The following CNBD1 variants were observed in gnomAD, a reference collection of about 807,000 sequenced individuals.
The protein encoded by CNBD1 is cyclic nucleotide binding domain containing 1.
CNBD1 carries 71 observed loss-of-function variants against 54.4 expected under a neutral mutation model. The ratio of observed to expected loss-of-function variants is 1.30; its 90% confidence interval spans 1.08 to 1.59. CNBD1 has a LOEUF of 1.59. Among genes scored for constraint, CNBD1 ranks in the 40% most tolerant of loss-of-function variants. The pLI is 0.00. For missense variants in CNBD1, 659 were observed against 518.0 expected (o/e 1.27, Z -2.64); for synonymous variants, 182 against 170.7 (o/e 1.07, Z -0.51).
At chr8:87,043,819 C>T (rs1031151212) in intron 4 of CNBD1, among the ~76,000 whole-genome samples, 2 of 152,204 alleles carry the variant, frequency 1.3e-5, no homozygotes, top group African/African-American at 2.4e-5. Context: ...ATTTCTTTAG[C>T]GTAGCAACAG....
intron 8 of CNBD1, among the ~76,000 whole-genome samples, chr8:87,346,781 T>C (rs1300024889): frequency 6.6e-6 from 1 of 152,148 alleles, no homozygotes; most frequent in Non-Finnish European, 1.5e-5. Flanking sequence ...GGTTAATTCA[T>C]TCAGAAATAA....
intron 4 of CNBD1, among the ~76,000 whole-genome samples, chr8:87,061,991 C>T (rs1002354057): frequency 6.6e-6 from 1 of 152,138 alleles, no homozygotes; most frequent in African/African-American, 2.4e-5. Flanking sequence ...TTGCTGAGTG[C>T]AGATAGTTGT....
intron 4 of CNBD1, among the ~76,000 whole-genome samples, chr8:87,103,337 A>C (rs902370912): frequency 6.6e-6 from 1 of 152,200 alleles, no homozygotes; most frequent in African/African-American, 2.4e-5. Flanking sequence ...TTACATCTTA[A>C]TATATTTCAT....
intron 4 of CNBD1, among the ~76,000 whole-genome samples, chr8:87,137,744 G>T (rs1812287421): frequency 6.6e-6 from 1 of 152,034 alleles, no homozygotes; most frequent in Admixed American, 6.6e-5. Context: ...TAGTGAATTG[G>T]AATGGGAAAG....
chr8:87,302,244 A>G (rs1295579594), intron 8 of CNBD1, among the ~76,000 whole-genome samples: 1 of 152,188 alleles, frequency 6.6e-6, no homozygotes, highest in African/African-American at 2.4e-5. Flanking sequence ...CCTCAATAAA[A>G]TACTGGCAAA....
At chr8:87,092,456 T>TGTGTGTGTGTGTATATATATATACAC (rs1563465551) in intron 4 of CNBD1, among the ~76,000 whole-genome samples, 2 of 138,792 alleles carry the variant, frequency 1.4e-5, no homozygotes, top group Admixed American at 6.9e-5. Context: ...TATATACACA[T>TGTGTGTGTGTGTATATATATATACAC]ATGTGTGTGT....
chr8:87,311,878 A>C (rs1307408308), intron 8 of CNBD1, among the ~76,000 whole-genome samples: 5 of 152,106 alleles, frequency 3.3e-5, no homozygotes, highest in African/African-American at 4.8e-5. Flanking sequence ...CTCACTTGTA[A>C]GTGGAAGCTA....
chr8:87,390,182 G>A (rs1460516124), intron 2 of CNBD1, among the ~76,000 whole-genome samples: 1 of 152,048 alleles, frequency 6.6e-6, no homozygotes, highest in African/African-American at 2.4e-5. Flanking sequence ...CAGGACATAG[G>A]CATGGGCAAG....
At chr8:87,014,141 G>GAA (rs200816620) in intron 4 of CNBD1, among the ~76,000 whole-genome samples, 46 of 148,566 alleles carry the variant, frequency 3.1e-4, no homozygotes, top group African/African-American at 1.1e-3. Context: ...ATCAAATACA[G>GAA]AAAACAAAAA....
intron 3 of CNBD1, among the ~76,000 whole-genome samples, chr8:86,932,767 G>A (rs1809478278): frequency 1.3e-5 from 2 of 151,902 alleles, no homozygotes; most frequent in Non-Finnish European, 2.9e-5. Context: ...CATTTCAAGG[G>A]TGAGCTTCTT....
intron 8 of CNBD1, among the ~76,000 whole-genome samples, chr8:87,314,066 C>T (rs1006166728): frequency 1.6e-4 from 25 of 151,836 alleles, no homozygotes; most frequent in African/African-American, 5.8e-4. Flanking sequence ...GCATAAGTTA[C>T]TTGATTTGAT....
At chr8:87,353,955 T>G (rs914973684) in intron 10 of CNBD1, 169 bp downstream of exon 10, 1 of 499,772 alleles carries the variant, frequency 2.0e-6, no homozygotes, top group African/African-American at 2.0e-5. Context: ...TCTTGGTGAA[T>G]TTTGAAAAGG....
At chr8:87,142,853 C>T (rs574483058) in intron 4 of CNBD1, among the ~76,000 whole-genome samples, 3 of 151,486 alleles carry the variant, frequency 2.0e-5, no homozygotes, top group Non-Finnish European at 4.4e-5. Context: ...TTTTGTTGTG[C>T]TCGTTGTTCG....
rs116296388 is a variant in CNBD1 at position 87,320,621 on chromosome 8, G to T, written c.1043-31064G>T. Among the ~76,000 whole-genome samples, 1,303 of 147,122 alleles carry T rather than the reference G, an allele frequency of 8.9e-3. 9 individuals are homozygous for T. Among genetic ancestry groups the T allele is most frequent in the Middle Eastern group, 0.035 (10 of 288 alleles). On this transcript the variant is annotated intron_variant, in intron 8 of 10. Transcript: ENST00000518476. Reference sequence around the variant, plus strand: ...GTGTGTATGTGCACGTGTGTGTGTGGGGGGGCGGCTCAGGGTACATTTAGA... The same window carrying T: ...GTGTGTATGTGCACGTGTGTGTGTGTGGGGGCGGCTCAGGGTACATTTAGA...
intron 8 of CNBD1, among the ~76,000 whole-genome samples, chr8:87,333,108 C>T (rs1002692003): frequency 6.6e-6 from 1 of 152,014 alleles, no homozygotes; most frequent in African/African-American, 2.4e-5. Context: ...AGATGTATCT[C>T]TAGGTATTTT....
intron 4 of CNBD1, among the ~76,000 whole-genome samples, chr8:87,072,770 T>A (rs1472612441): frequency 1.3e-5 from 2 of 151,726 alleles, no homozygotes; most frequent in Non-Finnish European, 2.9e-5. Flanking sequence ...TTGGGGAACC[T>A]GATGATTATG....
intron 4 of CNBD1, among the ~76,000 whole-genome samples, chr8:87,030,950 C>G (rs1394712270): frequency 8.0e-6 from 1 of 124,646 alleles, no homozygotes; most frequent in Non-Finnish European, 1.7e-5. Context: ...CCTCCTCCCC[C>G]TCTTCCTCTC....
intron 5 of CNBD1, among the ~76,000 whole-genome samples, chr8:87,218,061 C>T (rs1442304516): frequency 9.2e-5 from 14 of 151,988 alleles, no homozygotes; most frequent in Admixed American, 6.6e-4. Context: ...CTCTTCCACC[C>T]GAATACCTAT....
At chr8:87,065,272 T>TA (rs1363607448) in intron 4 of CNBD1, among the ~76,000 whole-genome samples, 4 of 152,150 alleles carry the variant, frequency 2.6e-5, no homozygotes, top group Middle Eastern at 3.4e-3. Flanking sequence ...TCTGTTTTTC[T>TA]GTTGTTTTGT....
Sources: allele counts gnomAD v4.1 joint callset (sites outside exome capture counted in the v4.1 genomes callset), GRCh38; gene constraint gnomAD v4.1.1; transcripts MANE v1.5; gene names NCBI Gene and HGNC (gene_info 2026-07-23, HGNC 2026-07-21).